The following ATP8A1 variants were observed in gnomAD, a reference collection of about 807,000 sequenced individuals.
ATP8A1 encodes ATPase phospholipid transporting 8A1, also known as phospholipid-transporting ATPase IA.
A neutral mutation model predicts 177.7 loss-of-function variants in ATP8A1; 90 were observed. That is an observed-to-expected ratio of 0.51 (90% CI 0.43 to 0.60). ATP8A1 has a LOEUF of 0.60. ATP8A1 is among the 20% of genes least tolerant of loss of function. The pLI is 0.00. For synonymous variants in ATP8A1, 493 were observed against 485.9 expected, an observed-to-expected ratio of 1.01 and a Z score of -0.19; for missense variants, 1,072 against 1,392.8, an observed-to-expected ratio of 0.77 and a Z score of 3.67.
In ATP8A1 at chr4:42,524,834, T is replaced by A; in HGVS notation, c.1736A>T (p.Tyr579Phe). 1 of 1,607,864 alleles carries A rather than the reference T, an allele frequency of 6.2e-7. No individual in the cohort carries two copies. Among genetic ancestry groups the A allele is most frequent in the Non-Finnish European group, 8.5e-7 (1 of 1,177,058 alleles). Residue 579 changes from tyrosine to phenylalanine, a missense_variant, in exon 21 of 37, where the codon TAT becomes TTT. This residue lies in a region of ATP8A1 where 388 missense variants were observed against 471.7 expected (regional missense o/e 0.82). Transcript: ENST00000381668. ...TTTTGACGTCTCTGCCAGTCGATCA[T>A]AAATTACAGTGTCCTGGAAAACAAA... ...LYCKGADTVIYDRLAETSKYK... is the reference protein window; with the variant it reads ...LYCKGADTVIFDRLAETSKYK...
intron 27 of ATP8A1, among the ~76,000 whole-genome samples, chr4:42,463,963 CTTT>C (rs1262647122): frequency 6.6e-6 from 1 of 152,142 alleles, no homozygotes; most frequent in Non-Finnish European, 1.5e-5. Flanking sequence ...GATTGCACTT[CTTT>C]GTCTCCTCCC....
At chr4:42,534,986 A>G (rs1247837226) in intron 20 of ATP8A1, among the ~76,000 whole-genome samples, 1 of 152,188 alleles carries the variant, frequency 6.6e-6, no homozygotes, top group African/African-American at 2.4e-5. Flanking sequence ...CCAAGCCAGC[A>G]GTATAAGAAC....
intron 19 of ATP8A1, among the ~76,000 whole-genome samples, chr4:42,547,876 A>G (rs544145110): frequency 3.5e-4 from 53 of 152,366 alleles, no homozygotes; most frequent in Non-Finnish European, 6.8e-4. Context: ...TCTTATGCAG[A>G]AGAAAGTTCA....
intron 14 of ATP8A1, among the ~76,000 whole-genome samples, chr4:42,570,335 A>G (rs1731776153): frequency 6.6e-6 from 1 of 152,220 alleles, no homozygotes; most frequent in Non-Finnish European, 1.5e-5. Context: ...CTGGACTCCA[A>G]GAAAAGGAGT....
At chr4:42,646,869 T>C (rs1437312292) in intron 1 of ATP8A1, among the ~76,000 whole-genome samples, 1 of 152,206 alleles carries the variant, frequency 6.6e-6, no homozygotes. Context: ...AATTAATCCA[T>C]GAAGCCAAGT....
chr4:42,540,467 T>C (rs1376259831), intron 20 of ATP8A1, among the ~76,000 whole-genome samples: 1 of 151,762 alleles, frequency 6.6e-6, no homozygotes, highest in African/African-American at 2.4e-5. Context: ...TCAAAGGGGA[T>C]ACCTGCACTC....
chr4:42,500,057 T>G (rs1205032433), intron 24 of ATP8A1, among the ~76,000 whole-genome samples: 2 of 152,216 alleles, frequency 1.3e-5, no homozygotes, highest in Non-Finnish European at 2.9e-5. Flanking sequence ...AATTTCTGCC[T>G]TTGCAGATGC....
At chr4:42,503,290 A>G (rs1724034169) in intron 24 of ATP8A1, among the ~76,000 whole-genome samples, 160 bp downstream of exon 24, 2 of 152,224 alleles carry the variant, frequency 1.3e-5, no homozygotes, top group Non-Finnish European at 2.9e-5. Flanking sequence ...ATTTACATCA[A>G]TGTGACTCAA....
rs184176391 is a variant in ATP8A1 at position 42,632,020 on chromosome 4, C to T, written c.50-4911G>A. Among the ~76,000 whole-genome samples, 278 of 152,320 alleles carry T rather than the reference C, an allele frequency of 1.8e-3. 2 individuals are homozygous for T. Among genetic ancestry groups the T allele is most frequent in the Middle Eastern group, 0.014 (4 of 294 alleles). On this transcript the variant is annotated intron_variant, in intron 1 of 36. Coordinates refer to ENST00000381668, the MANE Select transcript of ATP8A1 (RefSeq NM_006095.2). The stretch of plus-strand genomic sequence containing the variant: ...GGCATTCACCCCAATGTCCTTGGTG[C>T]TCAGACATTTGACATCCACTAATGG...
At chr4:42,554,791 AG>A (rs1729884392) in intron 16 of ATP8A1, among the ~76,000 whole-genome samples, 1 of 152,106 alleles carries the variant, frequency 6.6e-6, no homozygotes, top group African/African-American at 2.4e-5. Flanking sequence ...TGTGTCTGTG[AG>A]GGTGCTGCCA....
At chr4:42,562,743 G>A (rs759169040) in intron 15 of ATP8A1, among the ~76,000 whole-genome samples, 2 of 152,120 alleles carry the variant, frequency 1.3e-5, no homozygotes, top group Non-Finnish European at 1.5e-5. Context: ...TGCTGTTCTC[G>A]TGACAGTGAA....
chr4:42,450,497 C>T (rs1296038468), intron 30 of ATP8A1, among the ~76,000 whole-genome samples: 1 of 152,140 alleles, frequency 6.6e-6, no homozygotes, highest in Non-Finnish European at 1.5e-5. Flanking sequence ...ATGTCAAAGC[C>T]AAACAAGCAA....
In ATP8A1 at chr4:42,527,121, T is replaced by A. The variant is rs1318195796; in HGVS notation, c.1723-2274A>T. 2.0e-5 allele frequency among the ~76,000 whole-genome samples: 3 copies of A among 152,188 alleles called. No individual in the cohort carries two copies. The East Asian group carries it at 5.8e-4, about 29-fold the overall frequency. The stretch of plus-strand genomic sequence containing the variant: ...GAAAATGATGAACTCAGGGATTCTA[T>A]CTCCTGGCTTCAGAAGCAGATACTG... On this transcript the variant is annotated intron_variant, in intron 20 of 36. Transcript: ENST00000381668.
chr4:42,555,085 GTATCTATC>G (rs200520162), intron 16 of ATP8A1, among the ~76,000 whole-genome samples: 3,006 of 119,452 alleles, frequency 0.025, 123 homozygotes, highest in Middle Eastern at 0.051. Context: ...CTTTGTGTGT[GTATCTATC>G]TATCTATCTA....
intron 25 of ATP8A1, among the ~76,000 whole-genome samples, chr4:42,468,341 T>A (rs1432484759): frequency 2.0e-5 from 3 of 152,066 alleles, no homozygotes; most frequent in Non-Finnish European, 4.4e-5. Context: ...TGCCCATCAA[T>A]CAACAAGCGG....
intron 24 of ATP8A1, among the ~76,000 whole-genome samples, chr4:42,493,806 C>T (rs1454944598): frequency 2.6e-5 from 4 of 152,112 alleles, no homozygotes; most frequent in African/African-American, 9.7e-5. Flanking sequence ...GTGCTAACTC[C>T]TTTATTTGTG....
chr4:42,477,436 G>A (rs1000870356), intron 25 of ATP8A1, among the ~76,000 whole-genome samples: 9 of 152,018 alleles, frequency 5.9e-5, no homozygotes, highest in Non-Finnish European at 5.9e-5. Context: ...CAATTCTGAT[G>A]GGAAAGAATT....
intron 33 of ATP8A1, among the ~76,000 whole-genome samples, chr4:42,441,654 C>A (rs1176234833): frequency 2.0e-5 from 3 of 152,296 alleles, no homozygotes; most frequent in Admixed American, 6.5e-5. Flanking sequence ...CACGCACACA[C>A]ACCCACATCC....
rs150527678 is a variant in ATP8A1 at position 42,637,458 on chromosome 4, A to T, written c.50-10349T>A. On this transcript the variant is annotated intron_variant, in intron 1 of 36. Transcript: ENST00000381668. ...CATTACCTCCAAGTCCATCTGAGTT[A>T]TAACAAACATTACATACCCTTGATC... is the stretch of plus-strand genomic sequence containing the variant. Among the ~76,000 whole-genome samples, 835 of 152,352 alleles carry T rather than the reference A, an allele frequency of 5.5e-3. 10 individuals are homozygous for T. The highest frequency in any genetic ancestry group is 0.019 in the African/African-American group (788 of 41,578).
Sources: gnomAD v4.1 joint callset for allele counts (sites outside exome capture counted in the v4.1 genomes callset) on GRCh38, gnomAD v4.1.1 for gene constraint, gnomAD v4.1.1 regional missense constraint, MANE v1.5 for transcripts, NCBI Gene and HGNC (gene_info 2026-07-23, HGNC 2026-07-21) for gene names.